GPR141: variants seen among roughly 807,000 people sequenced by gnomAD.
GPR141 encodes G protein-coupled receptor 141.
A neutral mutation model predicts 6.8 loss-of-function variants in GPR141; 6 were observed. The observed-to-expected ratio is 0.88, with a 90% confidence interval of 0.48 to 1.74. The LOEUF (loss-of-function observed/expected upper bound fraction) is 1.74, where lower values mean the gene tolerates loss of function less well. GPR141 is among the 40% of genes most tolerant of loss of function. The pLI is 0.01. For synonymous variants in GPR141, 140 were observed against 142.3 expected, an observed-to-expected ratio of 0.98 and a Z score of 0.11; for missense variants, 372 against 372.9, an observed-to-expected ratio of 1.00 and a Z score of 0.02.
chr7:37,726,679 A>G (rs1371136280), intron 2 of GPR141, among the ~76,000 whole-genome samples: 2 of 152,178 alleles, frequency 1.3e-5, no homozygotes, highest in Non-Finnish European at 1.5e-5. Flanking sequence ...TGCTGCCTTT[A>G]TCCTTATAGT....
chr7:37,709,479 A>G (rs1363055594), intron 2 of GPR141, among the ~76,000 whole-genome samples: 1 of 152,164 alleles, frequency 6.6e-6, no homozygotes, highest in East Asian at 1.9e-4. Context: ...CATAATTCCT[A>G]GAAGAGGGAT....
intron 2 of GPR141, among the ~76,000 whole-genome samples, chr7:37,698,352 T>C (rs1433116292): frequency 6.6e-6 from 1 of 152,210 alleles, no homozygotes; most frequent in Non-Finnish European, 1.5e-5. Context: ...TTTTAGTTTT[T>C]ATAACATCTA....
At chr7:37,729,962 A>G (rs1811836720) in intron 2 of GPR141, 1 of 152,206 alleles carries the variant, frequency 6.6e-6, no homozygotes, top group Non-Finnish European at 1.5e-5. Flanking sequence ...ATATTGGAGA[A>G]TCAACTGAGA....
At chr7:37,725,514 C>T (rs1047381866) in intron 2 of GPR141, among the ~76,000 whole-genome samples, 15 of 152,266 alleles carry the variant, frequency 9.9e-5, no homozygotes, top group African/African-American at 2.9e-4. Context: ...AGGCAGTCAC[C>T]GGCAGCATTG....
At chr7:37,727,938 A>G (rs572657311) in intron 2 of GPR141, among the ~76,000 whole-genome samples, 33 of 152,348 alleles carry the variant, frequency 2.2e-4, no homozygotes, top group South Asian at 1.7e-3. Context: ...TCATGTACAG[A>G]TTCTCACCCA....
chr7:37,693,202 G>A (rs1328020416), intron 2 of GPR141, among the ~76,000 whole-genome samples: 4 of 152,154 alleles, frequency 2.6e-5, no homozygotes, highest in African/African-American at 9.7e-5. Flanking sequence ...AAGGGGTCCA[G>A]TTTCAGTTTT....
At chr7:37,731,877 T>C (rs918143897) in intron 2 of GPR141, among the ~76,000 whole-genome samples, 5 of 152,094 alleles carry the variant, frequency 3.3e-5, no homozygotes, top group African/African-American at 1.2e-4. Context: ...GGCCCCATCC[T>C]AGTTCTTGCT....
In GPR141 at chr7:37,741,211, C is replaced by T; in HGVS notation, c.818C>T (p.Thr273Ile). The T allele has an allele frequency of 6.2e-7, 1 of 1,613,166 alleles. No homozygotes were observed. Among genetic ancestry groups the T allele is most frequent in the Non-Finnish European group, 8.5e-7 (1 of 1,179,112 alleles). The change falls in exon 3 of 3, where the codon ACA becomes ATA. Residue 273 changes from threonine (T) to isoleucine (I), a missense_variant. By Grantham distance (89) the Thr-to-Ile change is moderately conservative. Transcript: ENST00000334425. ...AFYNEIFLSV[T>I]AISCYDLLLF... is the part of the protein sequence containing the mutation. Reference sequence around the variant, plus strand: ...TATAACGAAATCTTCTTGAGTGTAACAGCAATTAGCTGCTATGATTTGCTT... The same window carrying T: ...TATAACGAAATCTTCTTGAGTGTAATAGCAATTAGCTGCTATGATTTGCTT...
chr7:37,726,130 G>A (rs567414107), intron 2 of GPR141, among the ~76,000 whole-genome samples: 27 of 152,252 alleles, frequency 1.8e-4, no homozygotes, highest in African/African-American at 6.5e-4. Context: ...AGCATTTTAG[G>A]TTTAAAATGT....
At chr7:37,715,331 T>C (rs982439018) in intron 2 of GPR141, among the ~76,000 whole-genome samples, 1 of 152,188 alleles carries the variant, frequency 6.6e-6, no homozygotes, top group Non-Finnish European at 1.5e-5. Context: ...GATCTTACTA[T>C]GTTGCCCAGG....
chr7:37,718,524 A>AAAGGAAGG lies in GPR141; in HGVS notation c.-14-21829_-14-21822dup, dbSNP rs746595368. 6.1e-3 allele frequency among the ~76,000 whole-genome samples: 340 copies of AAAGGAAGG among 55,414 alleles called. 1 individual carries two copies. The highest frequency in any genetic ancestry group is 0.015 in the African/African-American group (283 of 19,432). The allele number at this position is 55,414 out of a possible 152,430, so 36.4% of individuals were successfully genotyped here. A position where few individuals can be genotyped will look rare whatever the true frequency, so the allele number is the denominator to read the frequency against. On this transcript the variant is annotated intron_variant, in intron 2 of 2. Coordinates refer to ENST00000334425, the MANE Select transcript of GPR141 (RefSeq NM_001381946.1). ...GAGACTCTGTCTCGAAGGAAGGAAGAAAGGAAGGAAGGAAGGAAGGAAGGA... is the reference window on the plus strand; with the variant it reads ...GAGACTCTGTCTCGAAGGAAGGAAGAAAGGAAGGAAGGAAGGAAGGAAGGAAGGAAGGA...
rs904681965 is a variant in GPR141, at chr7:37,741,300, T to C, written c.907T>C (p.Leu303=). The change falls in exon 3 of 3, where the codon TTG becomes CTG. Residue 303 remains leucine (L), a synonymous_variant. Transcript: ENST00000334425. ...QKIIGLWNCV[L]CR is the part of the protein sequence containing the mutation. ...GATAATTGGCTTATGGAATTGTGTT[T>C]TGTGCCGTTAGCCACAAACTACAGT... is the stretch of plus-strand genomic sequence containing the variant. 1.3e-6 allele frequency: 2 copies of C among 1,585,626 alleles called. No homozygotes were observed. The highest frequency in any genetic ancestry group is 1.7e-6 in the Non-Finnish European group (2 of 1,164,350).
chr7:37,723,417 G>GA (rs759149640), intron 2 of GPR141, among the ~76,000 whole-genome samples: 69 of 145,658 alleles, frequency 4.7e-4, no homozygotes, highest in African/African-American at 1.1e-3. Context: ...TTACTAGGAA[G>GA]AAAAAAAAAA....
intron 2 of GPR141, among the ~76,000 whole-genome samples, chr7:37,706,789 C>T (rs180953252): frequency 6.6e-6 from 1 of 152,242 alleles, no homozygotes; most frequent in Admixed American, 6.5e-5. Flanking sequence ...CAAGTGACAG[C>T]GTGAATTTTG....
In GPR141 at chr7:37,741,700, C is replaced by T. The variant is rs1317184350; in HGVS notation, c.*389C>T. The stretch of plus-strand genomic sequence containing the variant: ...CAGACCTTTAGTTCTTTTCATCCCA[C>T]TTCACCTTAGGTAAGTAAATTCTGG... On this transcript the variant is annotated 3_prime_UTR_variant, in exon 3 of 3. Coordinates refer to ENST00000334425, the MANE Select transcript of GPR141 (RefSeq NM_001381946.1). Among the ~76,000 whole-genome samples, 1 of 152,226 alleles carries T rather than the reference C, an allele frequency of 6.6e-6. No individual in the cohort carries two copies. Among genetic ancestry groups the T allele is most frequent in the Non-Finnish European group, 1.5e-5 (1 of 68,032 alleles).
chr7:37,739,352 A>G (rs1812413998), intron 2 of GPR141, among the ~76,000 whole-genome samples: 1 of 152,154 alleles, frequency 6.6e-6, no homozygotes, highest in Non-Finnish European at 1.5e-5. Context: ...GAGTATCAAG[A>G]CACTTCTTTT....
At chr7:37,735,785 TTAAAG>T (rs1279251834) in intron 2 of GPR141, among the ~76,000 whole-genome samples, 3 of 152,120 alleles carry the variant, frequency 2.0e-5, no homozygotes, top group African/African-American at 7.2e-5. Context: ...ATAACTATGA[TTAAAG>T]TATTTAAGAA....
At chr7:37,690,164 A>G (rs1809690740) in intron 2 of GPR141, among the ~76,000 whole-genome samples, 1 of 151,836 alleles carries the variant, frequency 6.6e-6, no homozygotes, top group African/African-American at 2.4e-5. Context: ...GTCATTCAGG[A>G]GCATGTTTTT....
intron 2 of GPR141, among the ~76,000 whole-genome samples, chr7:37,705,482 A>G (rs898126865): frequency 3.3e-5 from 5 of 152,204 alleles, no homozygotes; most frequent in Admixed American, 1.3e-4. Context: ...GCTTATGCTA[A>G]TTGTCTGAAG....
Sources: gnomAD v4.1 joint callset for allele counts (sites outside exome capture counted in the v4.1 genomes callset) on GRCh38, gnomAD v4.1.1 for gene constraint, MANE v1.5 for transcripts, NCBI Gene and HGNC (gene_info 2026-07-23, HGNC 2026-07-21) for gene names.